Variants in TMEM123 observed in about 807,000 individuals in gnomAD.
TMEM123 encodes the protein porimin.
In TMEM123, 16 loss-of-function variants were observed where a neutral mutation model predicts 19.7. The observed-to-expected ratio is 0.81, with a 90% CI of 0.55 to 1.23. TMEM123 has a LOEUF of 1.23. Among genes scored for constraint, TMEM123 ranks in the 50% most tolerant of loss-of-function variants. TMEM123 has a pLI of 0.00. For missense variants in TMEM123, 313 were observed against 257.8 expected (o/e 1.21, Z -1.47); for synonymous variants, 118 against 99.4 (o/e 1.19, Z -1.12).
intron 1 of TMEM123, among the ~76,000 whole-genome samples, chr11:102,450,694 A>G (rs951794421): frequency 2.6e-5 from 4 of 152,264 alleles, no homozygotes; most frequent in Non-Finnish European, 5.9e-5. Flanking sequence ...ATCTGAAACC[A>G]AACATGTATT....
At position 102,410,886 on chromosome 11, in the gene TMEM123, C is replaced by T. The variant is rs866732105; in HGVS notation, c.158-8680G>A. On this transcript the variant is annotated intron_variant, in intron 2 of 4. Transcript: ENST00000398136. ...TTTTCACCTCCTCCTCAGGCAATTT[C>T]CTTTCTATCGAACACCTACTGTTCA... is the stretch of plus-strand genomic sequence containing the variant. 3.3e-5 allele frequency among the ~76,000 whole-genome samples: 5 copies of T among 152,274 alleles called. No homozygotes were observed. In the Middle Eastern group the frequency reaches 0.01, roughly 311 times the overall value.
chr11:102,407,837 A>T (rs1325515097), intron 2 of TMEM123, among the ~76,000 whole-genome samples: 1 of 152,166 alleles, frequency 6.6e-6, no homozygotes, highest in East Asian at 1.9e-4. Flanking sequence ...ACTGTGAGAC[A>T]ATCAATTTCT....
chr11:102,424,139 A>C (rs1040149731), intron 2 of TMEM123, among the ~76,000 whole-genome samples: 7 of 152,214 alleles, frequency 4.6e-5, no homozygotes, highest in Non-Finnish European at 1.0e-4. Context: ...AAGACACAAC[A>C]GTTGAGTCTG....
intron 2 of TMEM123, among the ~76,000 whole-genome samples, chr11:102,431,361 A>G (rs1449538799): frequency 6.6e-6 from 1 of 152,238 alleles, no homozygotes; most frequent in Non-Finnish European, 1.5e-5. Flanking sequence ...TAATCATGCT[A>G]ATTAACATAT....
rs1432218614 is a variant in TMEM123 at position 102,401,560 on chromosome 11, C to A, written c.581G>T (p.Arg194Ile). 6.3e-7 allele frequency: 1 copy of A among 1,588,554 alleles called. No homozygotes were observed. The highest frequency in any genetic ancestry group is 2.2e-5 in the East Asian group (1 of 44,472). ...YIGCKMYYSRRGIRYRTIDEH... is the reference protein window; with the variant it reads ...YIGCKMYYSRIGIRYRTIDEH... ...TTACATGGTTCGATACCGAATGCCT[C>A]TTCTTGAGTAATACATTTTGCATCC... is the stretch of plus-strand genomic sequence containing the variant. Residue 194 changes from arginine to isoleucine, a missense_variant, in exon 4 of 5, where the codon AGA (arginine) becomes ATA (isoleucine). Arg to Ile is a moderately conservative substitution (Grantham distance 97, BLOSUM62 -3). Transcript: ENST00000398136.
At chr11:102,424,530 A>T (rs1397023832) in intron 2 of TMEM123, among the ~76,000 whole-genome samples, 2 of 152,170 alleles carry the variant, frequency 1.3e-5, no homozygotes. Flanking sequence ...CTACTAAAAA[A>T]TACAAAAAAT....
intron 2 of TMEM123, among the ~76,000 whole-genome samples, chr11:102,409,110 A>C (rs1439830860): frequency 6.6e-6 from 1 of 152,232 alleles, no homozygotes; most frequent in Non-Finnish European, 1.5e-5. Context: ...CATCAAATAC[A>C]CACTTAAACC....
intron 2 of TMEM123, among the ~76,000 whole-genome samples, chr11:102,440,026 C>G (rs1001001820): frequency 6.6e-6 from 1 of 152,140 alleles, no homozygotes; most frequent in Non-Finnish European, 1.5e-5. Flanking sequence ...ACGAACAAAG[C>G]CTTCAAGAAA....
chr11:102,413,015 A>AAGG (rs1952017404), intron 2 of TMEM123, among the ~76,000 whole-genome samples: 1 of 152,200 alleles, frequency 6.6e-6, no homozygotes. Context: ...ATATTTTGAT[A>AAGG]AGGAACCTAT....
chr11:102,416,489 T>C (rs937433692), intron 2 of TMEM123, among the ~76,000 whole-genome samples: 1 of 151,990 alleles, frequency 6.6e-6, no homozygotes, highest in Non-Finnish European at 1.5e-5. Flanking sequence ...AACAGATCAA[T>C]AATGAGTTCT....
intron 2 of TMEM123, among the ~76,000 whole-genome samples, chr11:102,428,342 C>T (rs1952146908): frequency 1.3e-5 from 2 of 152,034 alleles, no homozygotes; most frequent in South Asian, 2.1e-4. Flanking sequence ...CACTCTGTCA[C>T]CCAGGCTGGA....
intron 2 of TMEM123, among the ~76,000 whole-genome samples, chr11:102,422,899 C>T (rs183851204): frequency 2.2e-4 from 34 of 152,218 alleles, no homozygotes; most frequent in Admixed American, 1.2e-3. Context: ...ACTCCAATAC[C>T]TTTCTGAACA....
At chr11:102,404,847 G>A (rs1450404127) in intron 2 of TMEM123, among the ~76,000 whole-genome samples, 1 of 152,080 alleles carries the variant, frequency 6.6e-6, no homozygotes, top group Admixed American at 6.5e-5. Context: ...TGATCTGCCT[G>A]CCTTGGCCTC....
chr11:102,421,227 A>G (rs1280601347), intron 2 of TMEM123, among the ~76,000 whole-genome samples: 1 of 152,250 alleles, frequency 6.6e-6, no homozygotes, highest in Admixed American at 6.5e-5. Flanking sequence ...GTCTGTCTCC[A>G]TTATAAAATC....
chr11:102,401,726 G>A lies in TMEM123; in HGVS notation c.449-34C>T, dbSNP rs371610836. ...AAAGAAAACAAAAAAGGGCTTTAGC[G>A]TTATTTTTTTTTTTTTAACATTGTA... is the stretch of plus-strand genomic sequence containing the variant. On this transcript the variant is annotated intron_variant, in intron 3 of 4. Coordinates refer to ENST00000398136, the MANE Select transcript of TMEM123 (RefSeq NM_052932.3). The A allele has an allele frequency of 3.6e-5, 55 of 1,543,450 alleles. 1 individual carries two copies. In the South Asian group the frequency reaches 5.3e-4, roughly 15 times the overall value.
intron 2 of TMEM123, among the ~76,000 whole-genome samples, chr11:102,417,193 A>G (rs1201230354): frequency 2.0e-5 from 3 of 152,046 alleles, no homozygotes; most frequent in Non-Finnish European, 2.9e-5. Context: ...ATAACAGGTA[A>G]CCAAGAGAAA....
chr11:102,426,568 A>G (rs540239204), intron 2 of TMEM123, among the ~76,000 whole-genome samples: 6 of 152,226 alleles, frequency 3.9e-5, no homozygotes, highest in Admixed American at 1.3e-4. Context: ...GCTCATCGTA[A>G]AAGATTTTAC....
rs1951916419 is a variant in TMEM123, at chr11:102,401,911, C to T, written c.448+5G>A. ...AGGAAAAAAAAGGTCAGCTTTAATA[C>T]ATACTTGTTACTGATGAAGCAGCAG... On this transcript the variant is annotated splice_donor_5th_base_variant and intron_variant, in intron 3 of 4. Coordinates refer to ENST00000398136, the MANE Select transcript of TMEM123 (RefSeq NM_052932.3). The T allele has an allele frequency of 6.2e-7, 1 of 1,612,398 alleles. No homozygotes were observed. Among genetic ancestry groups the T allele is most frequent in the Non-Finnish European group, 8.5e-7 (1 of 1,178,902 alleles).
chr11:102,441,377 G>C (rs1036987677), intron 2 of TMEM123, among the ~76,000 whole-genome samples: 4 of 152,112 alleles, frequency 2.6e-5, no homozygotes, highest in African/African-American at 7.2e-5. Context: ...CTAGAACTTA[G>C]GATTAAGAAA....
Sources: gnomAD v4.1 joint callset for allele counts (sites outside exome capture counted in the v4.1 genomes callset) on GRCh38, gnomAD v4.1.1 for gene constraint, MANE v1.5 for transcripts, NCBI Gene and HGNC (gene_info 2026-07-23, HGNC 2026-07-21) for gene names.